FBXO15: variants seen among roughly 807,000 people sequenced by gnomAD.
The protein encoded by FBXO15 is F-box only protein 15.
In FBXO15, 30 loss-of-function variants were observed where a neutral mutation model predicts 49.5. That is an observed-to-expected ratio of 0.61 (90% CI 0.45 to 0.82). The LOEUF is 0.82. FBXO15 is among the 40% of genes least tolerant of loss of function. The pLI is 0.00. For missense variants in FBXO15, 591 were observed against 631.5 expected (o/e 0.94, Z 0.69); for synonymous variants, 250 against 232.7 (o/e 1.07, Z -0.68).
At position 74,128,786 on chromosome 18, in the gene FBXO15, G is replaced by C. The variant is rs954911215; in HGVS notation, c.785+619C>G. Among the ~76,000 whole-genome samples the C allele has an allele frequency of 7.1e-4, 108 of 152,160 alleles. 2 individuals carry two copies. Among genetic ancestry groups the C allele is most frequent in the Admixed American group, 4.6e-4 (7 of 15,274 alleles). ...CTCAGTGCAAAGCCACCTGACAACAGAATAGTAAAGGGCTCACTAAGCATT... is the reference window on the plus strand; with the variant it reads ...CTCAGTGCAAAGCCACCTGACAACACAATAGTAAAGGGCTCACTAAGCATT... On this transcript the variant is annotated intron_variant, in intron 5 of 9. Transcript: ENST00000419743.
chr18:74,117,810 G>C (rs1914296330), intron 8 of FBXO15, among the ~76,000 whole-genome samples: 1 of 152,062 alleles, frequency 6.6e-6, no homozygotes, highest in South Asian at 2.1e-4. Context: ...TTAAGTATGA[G>C]GAATGCAAAC....
intron 8 of FBXO15, among the ~76,000 whole-genome samples, chr18:74,104,367 G>A (rs1433146103): frequency 6.6e-6 from 1 of 151,978 alleles, no homozygotes; most frequent in African/African-American, 2.4e-5. Flanking sequence ...GGAAGAAAAG[G>A]ACAGAAGGGT....
At chr18:74,081,260 G>A (rs1300463795) in intron 9 of FBXO15, among the ~76,000 whole-genome samples, 1 of 152,196 alleles carries the variant, frequency 6.6e-6, no homozygotes, top group Non-Finnish European at 1.5e-5. Flanking sequence ...GCAGTCACAG[G>A]AGATTGATCC....
At chr18:74,114,160 C>T (rs1914136058) in intron 8 of FBXO15, among the ~76,000 whole-genome samples, 1 of 152,168 alleles carries the variant, frequency 6.6e-6, no homozygotes, top group Non-Finnish European at 1.5e-5. Flanking sequence ...TCTGCTAGTG[C>T]CAGGCAGAGA....
At chr18:74,138,730 C>T (rs1255134628) in intron 2 of FBXO15, among the ~76,000 whole-genome samples, 2 of 152,096 alleles carry the variant, frequency 1.3e-5, no homozygotes, top group Admixed American at 6.6e-5. Flanking sequence ...CTCTCTTCCG[C>T]CCTGACCCCA....
At chr18:74,095,381 G>C (rs530584726) in intron 8 of FBXO15, among the ~76,000 whole-genome samples, 1 of 152,306 alleles carries the variant, frequency 6.6e-6, no homozygotes, top group Admixed American at 6.5e-5. Flanking sequence ...TGTAAAGTGA[G>C]AGACATGCAA....
Position 74,140,202 on chromosome 18 carries a change from C to G in FBXO15, c.227G>C (p.Gly76Ala), listed in dbSNP as rs1012391953. The change falls in exon 2 of 10, where the codon GGA becomes GCA. Residue 76 changes from glycine (G) to alanine (A), a missense_variant and splice_region_variant. Physicochemically the swap from Gly to Ala is moderately conservative, Grantham distance 60. Coordinates refer to ENST00000419743, the MANE Select transcript of FBXO15 (RefSeq NM_001142958.2). ...GTGACAGTCTACTTCTGCTACTTAC[C>G]CATCCAGGAACCCAGAACAGCAGGA... is the stretch of plus-strand genomic sequence containing the variant. ...SFSCCSGFLD[G>A]MPSEILLKIF... 3 of 1,550,556 alleles carry G rather than the reference C, an allele frequency of 1.9e-6. No individual in the cohort carries two copies. The highest frequency in any genetic ancestry group is 1.7e-6 in the Non-Finnish European group (2 of 1,146,648).
At chr18:74,133,814 G>C (rs1283924342) in intron 3 of FBXO15, among the ~76,000 whole-genome samples, 1 of 152,142 alleles carries the variant, frequency 6.6e-6, no homozygotes, top group Non-Finnish European at 1.5e-5. Context: ...AGAGAAGGAA[G>C]GGAGGTCTGC....
Position 74,147,797 on chromosome 18 carries a change from G to C in FBXO15, c.-12C>G, listed in dbSNP as rs1256202564. 2.0e-6 allele frequency: 3 copies of C among 1,523,802 alleles called. No homozygotes were observed. Among genetic ancestry groups the C allele is most frequent in the Non-Finnish European group, 2.6e-6 (3 of 1,138,436 alleles). 94.4% of individuals were successfully genotyped at this position (1,523,802 alleles called of 1,614,324 possible). ...CGTCCAGTCGCCATAGAGACAAGGA[G>C]TTCACCACAGGACCGCGCCAGGGCT... On this transcript the variant is annotated 5_prime_UTR_variant, in exon 1 of 10. Transcript: ENST00000419743.
At chr18:74,133,268 G>A (rs556984318) in intron 3 of FBXO15, among the ~76,000 whole-genome samples, 2 of 152,062 alleles carry the variant, frequency 1.3e-5, no homozygotes, top group South Asian at 2.1e-4. Context: ...ATTTCCAAAC[G>A]GCAACTTCCA....
At chr18:74,094,150 T>C (rs1157080424) in intron 8 of FBXO15, among the ~76,000 whole-genome samples, 3 of 152,232 alleles carry the variant, frequency 2.0e-5, no homozygotes, top group African/African-American at 7.2e-5. Flanking sequence ...AAGAAATTGA[T>C]ATAGTCTAGA....
intron 5 of FBXO15, among the ~76,000 whole-genome samples, chr18:74,128,197 G>C (rs1978297297): frequency 6.6e-6 from 1 of 152,048 alleles, no homozygotes; most frequent in Non-Finnish European, 1.5e-5. Flanking sequence ...AATAAAACCT[G>C]GATTTGCCAG....
intron 8 of FBXO15, among the ~76,000 whole-genome samples, chr18:74,103,769 T>C (rs1409345276): frequency 1.3e-5 from 2 of 152,138 alleles, no homozygotes; most frequent in Non-Finnish European, 2.9e-5. Flanking sequence ...ATATTGTATC[T>C]GGAAAATCTA....
chr18:74,108,578 T>C (rs1224016885), intron 8 of FBXO15, among the ~76,000 whole-genome samples: 3 of 146,878 alleles, frequency 2.0e-5, no homozygotes, highest in South Asian at 2.1e-4. Flanking sequence ...ACAAAAGGTG[T>C]AATTTACATG....
At chr18:74,112,484 A>AAAAACAGGAAT (rs1337758599) in intron 8 of FBXO15, among the ~76,000 whole-genome samples, 12 of 152,210 alleles carry the variant, frequency 7.9e-5, no homozygotes, top group Admixed American at 7.9e-4. Context: ...AATCCAGGAA[A>AAAAACAGGAAT]AAAACAGGAA....
intron 8 of FBXO15, among the ~76,000 whole-genome samples, chr18:74,108,798 A>G (rs952700493): frequency 6.6e-6 from 1 of 152,198 alleles, no homozygotes; most frequent in Non-Finnish European, 1.5e-5. Flanking sequence ...TAAGATCCTG[A>G]AAGAAACCAG....
chr18:74,129,340 G>T (rs1191215142), intron 5 of FBXO15, 65 bp downstream of exon 5: 8 of 1,393,014 alleles, frequency 5.7e-6, no homozygotes, highest in Non-Finnish European at 7.9e-6. Context: ...AATTACAAAA[G>T]TAATGCCAAC....
intron 3 of FBXO15, chr18:74,130,918 G>C (rs762170540): frequency 9.2e-6 from 3 of 324,786 alleles, no homozygotes; most frequent in Non-Finnish European, 1.7e-5. Context: ...GTAATCTCAC[G>C]TTATTTAGGA....
At chr18:74,087,775 C>T (rs1169329317) in intron 8 of FBXO15, among the ~76,000 whole-genome samples, 6 of 152,200 alleles carry the variant, frequency 3.9e-5, no homozygotes, top group Non-Finnish European at 5.9e-5. Context: ...TTGCAGTTCT[C>T]TGAGAAATTG....
Sources: gnomAD v4.1 joint callset for allele counts (sites outside exome capture counted in the v4.1 genomes callset) on GRCh38, gnomAD v4.1.1 for gene constraint, MANE v1.5 for transcripts, NCBI Gene and HGNC (gene_info 2026-07-23, HGNC 2026-07-21) for gene names.